The following DNAH7 variants were observed in gnomAD, a reference collection of about 807,000 sequenced individuals.
The protein encoded by DNAH7 is axonemal beta dynein heavy chain 7.
DNAH7 carries 397 observed loss-of-function variants against 444.6 expected under a neutral mutation model. That is an observed-to-expected ratio of 0.89 (90% CI 0.82 to 0.97). The LOEUF is 0.97. Ranked by LOEUF, DNAH7 falls within the 50% of genes least tolerant of loss-of-function variation. DNAH7 has a pLI of 0.00. For synonymous variants in DNAH7, 1,636 were observed against 1,624.4 expected (o/e 1.01, Z -0.17); for missense variants, 4,902 against 4,800.8 (o/e 1.02, Z -0.62).
At chr2:196,051,078 G>T in intron 3 of DNAH7, 109 bp downstream of exon 3, 1 of 976,144 alleles carries the variant, frequency 1.0e-6, no homozygotes, top group South Asian at 1.4e-5. Flanking sequence ...TTCTCCATCA[G>T]AAAAGAATCA....
intron 5 of DNAH7, among the ~76,000 whole-genome samples, chr2:196,034,447 A>G (rs920033281): frequency 3.3e-5 from 5 of 152,348 alleles, no homozygotes; most frequent in Non-Finnish European, 5.9e-5. Context: ...TGAAATGACA[A>G]TTCTCCAAAA....
intron 15 of DNAH7, among the ~76,000 whole-genome samples, chr2:195,980,387 C>A (rs1349345561): frequency 6.6e-6 from 1 of 152,176 alleles, no homozygotes; most frequent in African/African-American, 2.4e-5. Flanking sequence ...CCCAGCCTTG[C>A]AGAACTGTGA....
At chr2:195,884,388 A>G (rs922141041) in intron 35 of DNAH7, among the ~76,000 whole-genome samples, 197 bp downstream of exon 35, 5 of 152,234 alleles carry the variant, frequency 3.3e-5, no homozygotes, top group African/African-American at 1.2e-4. Context: ...GTCCATGGCT[A>G]TACAGAAAGA....
At chr2:195,921,965 C>G in intron 24 of DNAH7, 123 bp downstream of exon 24, 1 of 607,958 alleles carries the variant, frequency 1.6e-6, no homozygotes, top group Non-Finnish European at 2.9e-6. Context: ...AATCAAGGGT[C>G]TAGGAAAAAA....
intron 56 of DNAH7, among the ~76,000 whole-genome samples, chr2:195,795,634 G>A (rs1182995455): frequency 6.6e-6 from 1 of 152,190 alleles, no homozygotes; most frequent in Non-Finnish European, 1.5e-5. Context: ...TCTGAAGAGT[G>A]CTGTAGGTCA....
At chr2:195,914,955 C>T (rs1687582018) in intron 24 of DNAH7, among the ~76,000 whole-genome samples, 1 of 152,176 alleles carries the variant, frequency 6.6e-6, no homozygotes, top group Non-Finnish European at 1.5e-5. Flanking sequence ...AGCCACCATA[C>T]CTGGCCAAAA....
At chr2:195,903,740 G>A (rs772306548) in intron 27 of DNAH7, 3 of 152,136 alleles carry the variant, frequency 2.0e-5, no homozygotes, top group East Asian at 3.9e-4. Flanking sequence ...GAACCCTCTC[G>A]TCTACTTGTA....
Position 195,988,074 on chromosome 2 carries a change from T to G in DNAH7, c.1509A>C (p.Arg503Ser), listed in dbSNP as rs543027840. 4 of 1,613,730 alleles carry G rather than the reference T, an allele frequency of 2.5e-6. No individual in the cohort carries two copies. In the East Asian group the frequency reaches 8.9e-5, roughly 36 times the overall value. ...AGTTATCAACATCTCGCTCAGCTTT[T>G]CTGGTAATTAAAAAGTCATACTTGT... Reference protein sequence around the residue: ...LYDKYDFLITRKAERDVDNFL... With the variant: ...LYDKYDFLITSKAERDVDNFL... The change falls in exon 13 of 65, where the codon AGA becomes AGC. Residue 503 changes from arginine to serine, a missense_variant. Physicochemically the swap from Arg to Ser is moderately radical, Grantham distance 110 (BLOSUM62 -1). Coordinates refer to ENST00000312428, the MANE Select transcript of DNAH7 (RefSeq NM_018897.3).
In DNAH7 at chr2:195,923,609, T is replaced by G; in HGVS notation, c.3811A>C (p.Arg1271=). 2 of 1,614,086 alleles carry G rather than the reference T, an allele frequency of 1.2e-6. No individual in the cohort carries two copies. The highest frequency in any genetic ancestry group is 1.7e-6 in the Non-Finnish European group (2 of 1,179,996). ...ATACCACTTACTTGCCAGTAGTACC[T>G]AAGCTGACTTAACCATTCAAAGTCA... ...DSDFEWLSQL[R]YYWQENHLET... Residue 1271 remains arginine (R), a synonymous_variant, in exon 23 of 65, where the codon AGG becomes CGG. Transcript: ENST00000312428.
At chr2:195,954,741 C>T (rs1025328096) in intron 19 of DNAH7, among the ~76,000 whole-genome samples, 15 of 152,210 alleles carry the variant, frequency 9.9e-5, no homozygotes, top group Non-Finnish European at 2.2e-4. Flanking sequence ...GAGATGTTAT[C>T]TCATTGTGGT....
chr2:195,935,079 T>C (rs1380703162), intron 20 of DNAH7, among the ~76,000 whole-genome samples: 1 of 152,176 alleles, frequency 6.6e-6, no homozygotes, highest in Non-Finnish European at 1.5e-5. Flanking sequence ...ATACAATGAA[T>C]TAAAAGATGC....
intron 10 of DNAH7, among the ~76,000 whole-genome samples, chr2:196,010,001 A>G (rs1233345758): frequency 1.3e-5 from 2 of 152,204 alleles, no homozygotes; most frequent in Non-Finnish European, 2.9e-5. Context: ...TCAAAAGCAC[A>G]CTGAGATATT....
At chr2:195,770,970 A>G (rs1045397568) in intron 61 of DNAH7, among the ~76,000 whole-genome samples, 2 of 150,966 alleles carry the variant, frequency 1.3e-5, no homozygotes, top group Admixed American at 6.6e-5. Context: ...TGCTAGGATT[A>G]CAGGCATGAG....
chr2:196,025,873 A>G (rs188352923), intron 7 of DNAH7, among the ~76,000 whole-genome samples: 184 of 152,238 alleles, frequency 1.2e-3, no homozygotes, highest in Non-Finnish European at 2.2e-3. Flanking sequence ...TATTTCTCCA[A>G]TTTTGAACAC....
chr2:195,922,267 A>T (rs1303065510), intron 23 of DNAH7, 70 bp from the exon 24 acceptor site: 44 of 915,688 alleles, frequency 4.8e-5, no homozygotes, highest in Non-Finnish European at 7.5e-5. Flanking sequence ...AAGCTCTTTA[A>T]TAAGTAATAA....
rs549786908 is a variant in DNAH7 at position 195,843,552 on chromosome 2, G to A, written c.8945+1450C>T. ...ATTTTTGTCTTAGTTATCAGAAAGC[G>A]TCAAACTTAATTCAGGGCCCAGCTA... On this transcript the variant is annotated intron_variant, in intron 47 of 64. Transcript: ENST00000312428. 3.6e-4 allele frequency among the ~76,000 whole-genome samples: 55 copies of A among 152,220 alleles called. 1 individual carries two copies. The South Asian group carries it at 7.0e-3, about 19-fold the overall frequency.
At chr2:195,942,389 G>C (rs1013548046) in intron 19 of DNAH7, among the ~76,000 whole-genome samples, 3 of 150,756 alleles carry the variant, frequency 2.0e-5, no homozygotes, top group Non-Finnish European at 4.4e-5. Context: ...AGGAGAAGAG[G>C]AAGAAGGAAG....
At chr2:195,747,407 G>A (rs1397647660) in intron 63 of DNAH7, among the ~76,000 whole-genome samples, 2 of 152,188 alleles carry the variant, frequency 1.3e-5, no homozygotes, top group African/African-American at 4.8e-5. Flanking sequence ...TCTACCAGAG[G>A]CACAAGGAGG....
In DNAH7 at chr2:195,799,480, G is replaced by A; in HGVS notation, c.10177-8C>T. On this transcript the variant is annotated splice_region_variant and splice_polypyrimidine_tract_variant and intron_variant, in intron 54 of 64. Transcript: ENST00000312428. ...CTGCAACATTGGAATAACCTAGAAA[G>A]AGACAAGGATATAGTTGGAAGAATA... 6.3e-7 allele frequency: 1 copy of A among 1,577,006 alleles called. No individual in the cohort carries two copies. Among genetic ancestry groups the A allele is most frequent in the Non-Finnish European group, 8.6e-7 (1 of 1,162,940 alleles).
Sources: gnomAD v4.1 joint callset for allele counts (sites outside exome capture counted in the v4.1 genomes callset) on GRCh38, gnomAD v4.1.1 for gene constraint, MANE v1.5 for transcripts, NCBI Gene and HGNC (gene_info 2026-07-23, HGNC 2026-07-21) for gene names.